Variants in TMEM120B observed in about 807,000 individuals in gnomAD.
The protein encoded by TMEM120B is transmembrane protein 120B.
A neutral mutation model predicts 55.5 loss-of-function variants in TMEM120B; 31 were observed. The ratio of observed to expected loss-of-function variants is 0.56; its 90% CI spans 0.42 to 0.75. The LOEUF (loss-of-function observed/expected upper bound fraction) is 0.75, where lower values mean the gene tolerates loss of function less well. Among genes scored for constraint, TMEM120B ranks in the 30% least tolerant of loss-of-function variants. The pLI is 0.00. For missense variants in TMEM120B, 399 were observed against 425.5 expected, an observed-to-expected ratio of 0.94 and a Z score of 0.55; for synonymous variants, 203 against 176.3, an observed-to-expected ratio of 1.15 and a Z score of -1.20.
At chr12:121,727,589 A>G (rs985972238) in intron 1 of TMEM120B, among the ~76,000 whole-genome samples, 1 of 150,498 alleles carries the variant, frequency 6.6e-6, no homozygotes, top group Non-Finnish European at 1.5e-5. Context: ...GATTCGTAAC[A>G]TTGGCCCGGT....
rs1276219093 is a variant in TMEM120B at position 121,775,258 on chromosome 12, GGTGTGTGC to G, written c.906+136_906+143del. On this transcript the variant is annotated intron_variant, in intron 11 of 11. Coordinates refer to ENST00000449592, the MANE Select transcript of TMEM120B (RefSeq NM_001080825.2). This position sits in a 1 kb window ranked among gnomAD's most constrained non-coding sequence, Gnocchi z 4.3. ...GCTGGGATGGCAGATGTGGGGGTGG[GGTGTGTGC>G]GTGTGTGTGGTGTGCTGTGGGGAGG... 2.7e-6 allele frequency: 3 copies of G among 1,122,388 alleles called. No individual in the cohort carries two copies. Among genetic ancestry groups the G allele is most frequent in the South Asian group, 1.4e-5 (1 of 69,300 alleles). 69.5% of individuals were successfully genotyped at this position (1,122,388 alleles called of 1,614,324 possible).
At chr12:121,719,200 GGGAGGGATGGTCCCATGAA>G (rs1372000175) in intron 1 of TMEM120B, among the ~76,000 whole-genome samples, 1 of 151,748 alleles carries the variant, frequency 6.6e-6, no homozygotes, top group Non-Finnish European at 1.5e-5. Flanking sequence ...AAACGAGTTG[GGGAGGGATGGTCCCATGAA>G]GGAAAATCAA....
intron 1 of TMEM120B, among the ~76,000 whole-genome samples, chr12:121,738,448 G>T (rs959682449): frequency 6.6e-6 from 1 of 152,144 alleles, no homozygotes; most frequent in Non-Finnish European, 1.5e-5. Context: ...CCACCAGGAG[G>T]GGTGCGGGCC....
At chr12:121,749,915 A>C (rs1164557444) in intron 3 of TMEM120B, among the ~76,000 whole-genome samples, 2 of 151,748 alleles carry the variant, frequency 1.3e-5, no homozygotes, top group African/African-American at 4.8e-5. Context: ...CAAAAAAAAA[A>C]AAAAACAAAA....
Position 121,761,473 on chromosome 12 carries a change from G to A in TMEM120B, c.462-176G>A, listed in dbSNP as rs533831616. 1.1e-3 allele frequency among the ~76,000 whole-genome samples: 173 copies of A among 152,220 alleles called. 1 individual carries two copies. Among genetic ancestry groups the A allele is most frequent in the African/African-American group, 3.8e-3 (158 of 41,550 alleles). On this transcript the variant is annotated intron_variant, in intron 5 of 11. Transcript: ENST00000449592. ...GGTTCAGAGGCATTTGCAGGGCCGG[G>A]GAAGACGCTCAAGAGACCAAGCTCC...
At chr12:121,772,838 G>A (rs1218681480) in intron 8 of TMEM120B, among the ~76,000 whole-genome samples, 12 of 152,218 alleles carry the variant, frequency 7.9e-5, no homozygotes, top group Admixed American at 7.9e-4. Flanking sequence ...TAGAGGTGAC[G>A]TTAGTTAAGA....
At chr12:121,716,878 G>A (rs957856778) in intron 1 of TMEM120B, among the ~76,000 whole-genome samples, 1 of 151,964 alleles carries the variant, frequency 6.6e-6, no homozygotes, top group Non-Finnish European at 1.5e-5. Flanking sequence ...TTTGAATGAA[G>A]GAAAGAAAGA....
chr12:121,768,508 C>T (rs1873918276), intron 6 of TMEM120B, among the ~76,000 whole-genome samples: 1 of 152,106 alleles, frequency 6.6e-6, no homozygotes, highest in Non-Finnish European at 1.5e-5. Context: ...GAGACCCTGC[C>T]TGGAAAAAAA....
At chr12:121,723,815 T>C (rs1211619380) in intron 1 of TMEM120B, among the ~76,000 whole-genome samples, 1 of 152,008 alleles carries the variant, frequency 6.6e-6, no homozygotes, top group Non-Finnish European at 1.5e-5. Context: ...TTTTCTTTTG[T>C]TTTTCTTTTG....
intron 2 of TMEM120B, among the ~76,000 whole-genome samples, chr12:121,744,133 A>T (rs905515173): frequency 1.4e-5 from 2 of 145,014 alleles, no homozygotes; most frequent in African/African-American, 5.2e-5. Context: ...ATTTCGGCTC[A>T]CTGCAACCTC....
chr12:121,759,424 T>A (rs1464822471), intron 5 of TMEM120B, among the ~76,000 whole-genome samples: 1 of 151,796 alleles, frequency 6.6e-6, no homozygotes, highest in Non-Finnish European at 1.5e-5. Flanking sequence ...ACGCTTGTAG[T>A]CCCAACACTT....
At chr12:121,734,926 A>G (rs1475196264) in intron 1 of TMEM120B, among the ~76,000 whole-genome samples, 1 of 151,972 alleles carries the variant, frequency 6.6e-6, no homozygotes, top group Non-Finnish European at 1.5e-5. Context: ...AAAAAGAAAA[A>G]AAAAAGGACA....
chr12:121,717,278 G>A lies in TMEM120B; in HGVS notation c.69+4314G>A, dbSNP rs184017392. Among the ~76,000 whole-genome samples the A allele has an allele frequency of 1.6e-3, 240 of 152,290 alleles. 1 individual carries two copies. Among genetic ancestry groups the A allele is most frequent in the African/African-American group, 4.4e-3 (183 of 41,572 alleles). On this transcript the variant is annotated intron_variant, in intron 1 of 11. Coordinates refer to ENST00000449592, the MANE Select transcript of TMEM120B (RefSeq NM_001080825.2). The stretch of plus-strand genomic sequence containing the variant: ...TCCCAGCCAAGGAAGAAGGTGGCCC[G>A]TAGCAGCTTTTCCCTAAGTCTGACC...
intron 4 of TMEM120B, 125 bp from the exon 5 acceptor site, chr12:121,752,003 T>C (rs1313123407): frequency 5.4e-6 from 4 of 741,448 alleles, no homozygotes; most frequent in Non-Finnish European, 9.1e-6. Flanking sequence ...TTTAGTGGAA[T>C]GGGAAGGTCC....
intron 5 of TMEM120B, chr12:121,758,937 G>A (rs1473211104): frequency 3.0e-6 from 3 of 984,924 alleles, no homozygotes; most frequent in South Asian, 4.7e-5. Context: ...GGAGGAGGAC[G>A]GCCCAGCCCC....
intron 3 of TMEM120B, among the ~76,000 whole-genome samples, chr12:121,750,000 A>G (rs993828584): frequency 6.6e-6 from 1 of 152,000 alleles, no homozygotes; most frequent in Non-Finnish European, 1.5e-5. Flanking sequence ...CTCTAAAAAT[A>G]ATAACAATGA....
At chr12:121,766,423 G>C (rs1278660279) in intron 6 of TMEM120B, among the ~76,000 whole-genome samples, 3 of 152,210 alleles carry the variant, frequency 2.0e-5, no homozygotes, top group Non-Finnish European at 4.4e-5. Flanking sequence ...GGCTCAGGAG[G>C]TGTTCATGGC....
rs556315735 is a variant in TMEM120B at position 121,777,364 on chromosome 12, C to T, written c.*1642C>T. 1 of 152,276 alleles carries T rather than the reference C, an allele frequency of 6.6e-6. No homozygotes were observed. The allele number at this position is 152,276 out of a possible 1,614,324, so 9.4% of individuals were successfully genotyped here. On this transcript the variant is annotated 3_prime_UTR_variant, in exon 12 of 12. Coordinates refer to ENST00000449592, the MANE Select transcript of TMEM120B (RefSeq NM_001080825.2). ...TCATGGGCTCAACTCATCCTCCTAT[C>T]TTGGCCTCCCAAAGCGCTGGGATTA...
In TMEM120B at chr12:121,776,048, C is replaced by T. The variant is rs977156662; in HGVS notation, c.*326C>T. ...GGAGCCCCTCTGTTCCCACTCCTGT[C>T]ATTTGAACCCCTCTGGGTGGGGTTT... is the stretch of plus-strand genomic sequence containing the variant. On this transcript the variant is annotated 3_prime_UTR_variant, in exon 12 of 12. Coordinates refer to ENST00000449592, the MANE Select transcript of TMEM120B (RefSeq NM_001080825.2). 1.7e-6 allele frequency: 1 copy of T among 575,510 alleles called. No individual in the cohort carries two copies. Among genetic ancestry groups the T allele is most frequent in the African/African-American group, 1.9e-5 (1 of 53,234 alleles). The allele number at this position is 575,510 out of a possible 1,614,324, so 35.7% of individuals were successfully genotyped here. A position where few individuals can be genotyped will look rare whatever the true frequency, so the allele number is the denominator to read the frequency against.
Sources: gnomAD v4.1 joint callset for allele counts (sites outside exome capture counted in the v4.1 genomes callset) on GRCh38, gnomAD v4.1.1 for gene constraint, Gnocchi (gnomAD v3.1) non-coding constraint, MANE v1.5 for transcripts, NCBI Gene and HGNC (gene_info 2026-07-23, HGNC 2026-07-21) for gene names.